Variants in KIAA1217 observed in about 807,000 individuals in gnomAD.
KIAA1217 encodes the protein sickle tail protein homolog.
A neutral mutation model predicts 163.9 loss-of-function variants in KIAA1217; 88 were observed. That is an observed-to-expected ratio of 0.54 (90% CI 0.45 to 0.64). KIAA1217 has a LOEUF of 0.64. KIAA1217 is among the 30% of genes least tolerant of loss of function. KIAA1217 has a pLI of 0.00. For missense variants in KIAA1217, 2,372 were observed against 2,475.0 expected (o/e 0.96, Z 0.88); for synonymous variants, 903 against 923.1 (o/e 0.98, Z 0.39).
At chr10:24,301,421 A>G (rs939641200) in intron 2 of KIAA1217, among the ~76,000 whole-genome samples, 14 of 152,228 alleles carry the variant, frequency 9.2e-5, no homozygotes, top group Non-Finnish European at 1.8e-4. Flanking sequence ...AGTGACTTCA[A>G]GCTGAAGGTT....
intron 1 of KIAA1217, among the ~76,000 whole-genome samples, chr10:23,996,217 T>C (rs1268014233): frequency 6.6e-6 from 1 of 152,206 alleles, no homozygotes; most frequent in Non-Finnish European, 1.5e-5. Flanking sequence ...ATTTCAAAGA[T>C]ATTCAGAAAG....
intron 2 of KIAA1217, among the ~76,000 whole-genome samples, chr10:24,286,117 T>A (rs1365868984): frequency 6.6e-6 from 1 of 152,154 alleles, no homozygotes; most frequent in Non-Finnish European, 1.5e-5. Flanking sequence ...TTTGGCAAAG[T>A]CTAGGTTTTT....
At chr10:24,360,643 T>C (rs1038779656) in intron 2 of KIAA1217, among the ~76,000 whole-genome samples, 13 of 152,158 alleles carry the variant, frequency 8.5e-5, no homozygotes, top group African/African-American at 3.1e-4. Context: ...CCTCTTGAAT[T>C]TGGGATTTCA....
chr10:23,813,483 A>C (rs573302678), intron 1 of KIAA1217, among the ~76,000 whole-genome samples: 1 of 151,912 alleles, frequency 6.6e-6, no homozygotes, highest in Non-Finnish European at 1.5e-5. Context: ...TTATGTATGT[A>C]ATGGTTTGAT....
intron 1 of KIAA1217, among the ~76,000 whole-genome samples, chr10:23,863,489 G>A (rs917004714): frequency 1.3e-5 from 2 of 151,388 alleles, no homozygotes; most frequent in Non-Finnish European, 2.9e-5. Context: ...TTGCTCTTTT[G>A]CTCTTCTGCT....
intron 1 of KIAA1217, among the ~76,000 whole-genome samples, chr10:23,716,663 G>A (rs1013555642): frequency 4.6e-5 from 7 of 152,108 alleles, no homozygotes; most frequent in African/African-American, 1.7e-4. Context: ...GTGATTTTAT[G>A]ATATAAATCA....
intron 2 of KIAA1217, among the ~76,000 whole-genome samples, chr10:24,192,595 G>T (rs755015223): frequency 5.9e-5 from 9 of 152,264 alleles, no homozygotes; most frequent in Non-Finnish European, 1.0e-4. Context: ...AGGGCATGGG[G>T]CCCTGAGATG....
intron 2 of KIAA1217, among the ~76,000 whole-genome samples, chr10:24,151,465 C>T (rs1018431471): frequency 4.2e-5 from 6 of 142,292 alleles, no homozygotes; most frequent in African/African-American, 1.1e-4. Context: ...TAGTATGCAT[C>T]GGGCATGGTT....
intron 2 of KIAA1217, among the ~76,000 whole-genome samples, chr10:24,343,461 G>A (rs1243907493): frequency 3.3e-5 from 5 of 152,208 alleles, no homozygotes; most frequent in African/African-American, 9.6e-5. Context: ...ATTGGATGAT[G>A]AGGTTTTTGG....
chr10:23,831,512 T>A (rs897848497), intron 1 of KIAA1217, among the ~76,000 whole-genome samples: 3 of 152,158 alleles, frequency 2.0e-5, no homozygotes. Flanking sequence ...GGATACAACA[T>A]ACAACAGGGA....
At chr10:24,211,273 G>C (rs2068039047) in intron 1 of KIAA1217, among the ~76,000 whole-genome samples, 1 of 151,730 alleles carries the variant, frequency 6.6e-6, no homozygotes, top group African/African-American at 2.4e-5. Context: ...GGTAATCCCA[G>C]GCCAGATCAC....
At chr10:24,331,326 T>C (rs12569848) in intron 2 of KIAA1217, among the ~76,000 whole-genome samples, 1 of 151,928 alleles carries the variant, frequency 6.6e-6, no homozygotes, top group Admixed American at 6.6e-5. Flanking sequence ...AAGGCAGGAG[T>C]TGGATAAGCA....
chr10:24,446,612 T>C (rs1385503375), intron 5 of KIAA1217, among the ~76,000 whole-genome samples: 1 of 152,158 alleles, frequency 6.6e-6, no homozygotes, highest in Non-Finnish European at 1.5e-5. Context: ...TGATAATCTA[T>C]TTAGAGATCG....
chr10:24,141,258 T>C (rs1471254460), intron 2 of KIAA1217, among the ~76,000 whole-genome samples: 1 of 135,094 alleles, frequency 7.4e-6, no homozygotes, highest in Non-Finnish European at 1.6e-5. Flanking sequence ...TCTTTCCTTT[T>C]CTCTGTTCTT....
At chr10:23,902,601 G>A (rs1289690092) in intron 1 of KIAA1217, among the ~76,000 whole-genome samples, 2 of 152,140 alleles carry the variant, frequency 1.3e-5, no homozygotes, top group Admixed American at 1.3e-4. Context: ...TTTAGTCACA[G>A]CATCAGATGG....
chr10:23,842,249 A>C (rs1178911252), intron 1 of KIAA1217, among the ~76,000 whole-genome samples: 1 of 152,138 alleles, frequency 6.6e-6, no homozygotes, highest in African/African-American at 2.4e-5. Flanking sequence ...AATCTACAAG[A>C]TAGGGGAATA....
chr10:23,911,261 A>AAGGCACT (rs1240247825), intron 1 of KIAA1217, among the ~76,000 whole-genome samples: 1 of 152,152 alleles, frequency 6.6e-6, no homozygotes, highest in East Asian at 1.9e-4. Flanking sequence ...CACTGTCTAC[A>AAGGCACT]AGGCACTAGG....
upstream of KIAA1217, among the ~76,000 whole-genome samples, chr10:24,208,139 G>A (rs2067669518): frequency 7.3e-6 from 1 of 137,644 alleles, no homozygotes; most frequent in South Asian, 2.2e-4. Flanking sequence ...TTTTTTTTTC[G>A]GACATCATGC....
intron 1 of KIAA1217, among the ~76,000 whole-genome samples, chr10:23,746,119 G>T (rs1214629443): frequency 2.6e-5 from 4 of 152,174 alleles, no homozygotes; most frequent in Admixed American, 6.5e-5. Flanking sequence ...GGTCATGGGG[G>T]CAGATCCCTC....
Sources: gnomAD v4.1 joint callset for allele counts (sites outside exome capture counted in the v4.1 genomes callset) on GRCh38, gnomAD v4.1.1 for gene constraint, MANE v1.5 for transcripts, NCBI Gene and HGNC (gene_info 2026-07-23, HGNC 2026-07-21) for gene names.